The following WHR1 variants were observed in gnomAD, a reference collection of about 807,000 sequenced individuals.
WHR1 encodes winged helix repair factor 1.
At chr6:31,976,339 C>T in the WHR1 span, among the ~76,000 whole-genome samples, 18 of 151,412 alleles carry the variant, frequency 1.2e-4, no homozygotes, top group African/African-American at 3.4e-4. Context: ...GGGCGGCTGC[C>T]GGGCGGAGGG....
At chr6:31,975,526 G>C in the WHR1 span, among the ~76,000 whole-genome samples, 1 of 151,762 alleles carries the variant, frequency 6.6e-6, no homozygotes, top group South Asian at 2.1e-4. Context: ...ATAGGGATGG[G>C]GTTTCACCCT....
At chr6:31,972,619 A>C in the WHR1 span, 1 of 1,607,660 alleles carries the variant, frequency 6.2e-7, no homozygotes, top group Non-Finnish European at 8.5e-7. The surrounding 1 kb of genome is among the most constrained non-coding windows in gnomAD (Gnocchi z 6.3). Context: ...TTATCTGCCC[A>C]GGGTCGGCGC....
the WHR1 span, chr6:31,978,836 C>A: frequency 6.9e-7 from 1 of 1,444,280 alleles, no homozygotes; most frequent in East Asian, 2.4e-5. Context: ...TGCCTGAGAG[C>A]GCCCAGAGTA....
At chr6:31,976,333 G>A in the WHR1 span, among the ~76,000 whole-genome samples, 15 of 151,764 alleles carry the variant, frequency 9.9e-5, no homozygotes, top group East Asian at 2.0e-4. Context: ...CAGACGGGGC[G>A]GCTGCCGGGC....
the WHR1 span, chr6:31,979,589 G>A: frequency 1.2e-6 from 2 of 1,608,874 alleles, no homozygotes; most frequent in Non-Finnish European, 8.5e-7. Context: ...TCAGGCATCT[G>A]GTGCTTCCCT....
chr6:31,972,887 G>T, the WHR1 span: 1 of 1,458,980 alleles, frequency 6.9e-7, no homozygotes. The surrounding 1 kb of genome is among the most constrained non-coding windows in gnomAD (Gnocchi z 6.3). Context: ...CAGGCACTGG[G>T]GTGCCACAGA....
At chr6:31,979,477 C>A in the WHR1 span, 9 of 1,612,974 alleles carry the variant, frequency 5.6e-6, no homozygotes, top group Non-Finnish European at 7.6e-6. Flanking sequence ...AGCTTCAGTA[C>A]TTCCAGCCTG....
At chr6:31,975,201 CTT>C in the WHR1 span, among the ~76,000 whole-genome samples, 39 of 136,838 alleles carry the variant, frequency 2.9e-4, no homozygotes, top group Admixed American at 4.4e-4. Context: ...TTAGTTTTCC[CTT>C]TTTTTTTTTT....
At chr6:31,980,932 T>C in the WHR1 span, 7 of 753,474 alleles carry the variant, frequency 9.3e-6, no homozygotes, top group Non-Finnish European at 1.4e-5. Flanking sequence ...GAGCACCCCT[T>C]CCCAAGTTCT....
At chr6:31,975,808 T>C in the WHR1 span, among the ~76,000 whole-genome samples, 29,149 of 151,746 alleles carry the variant, frequency 0.19, 3,579 homozygotes, top group African/African-American at 0.34. Flanking sequence ...ACCTCCCAGA[T>C]GGGGTGGTGG....
the WHR1 span, chr6:31,971,277 A>G: frequency 6.5e-7 from 1 of 1,539,230 alleles, no homozygotes; most frequent in Non-Finnish European, 8.8e-7. The surrounding 1 kb of genome is among the most constrained non-coding windows in gnomAD (Gnocchi z 4.5). Flanking sequence ...TTTAGAGGGT[A>G]GGTACGGGTC....
chr6:31,979,503 C>T, the WHR1 span: 5 of 1,612,842 alleles, frequency 3.1e-6, no homozygotes, highest in Non-Finnish European at 4.2e-6. Flanking sequence ...ACCTTAGTTT[C>T]CAGCAGGACC....
At chr6:31,971,282 C>A in the WHR1 span, 2 of 1,538,256 alleles carry the variant, frequency 1.3e-6, no homozygotes, top group African/African-American at 1.4e-5. This position sits in a 1 kb window ranked among gnomAD's most constrained non-coding sequence, Gnocchi z 4.5. Flanking sequence ...AGGGTAGGTA[C>A]GGGTCTCCAG....
chr6:31,978,624 C>G, the WHR1 span, among the ~76,000 whole-genome samples: 3 of 152,252 alleles, frequency 2.0e-5, no homozygotes, highest in East Asian at 5.8e-4. Context: ...GAAGCCACAG[C>G]CTGCATCTTA....
At chr6:31,971,405 G>A in the WHR1 span, 3 of 1,601,502 alleles carry the variant, frequency 1.9e-6, no homozygotes, top group Non-Finnish European at 2.6e-6. This position sits in a 1 kb window ranked among gnomAD's most constrained non-coding sequence, Gnocchi z 4.5. Context: ...GGCTGGTATC[G>A]ATCCGGGTAT....
At chr6:31,978,705 G>A in the WHR1 span, among the ~76,000 whole-genome samples, 1 of 152,186 alleles carries the variant, frequency 6.6e-6, no homozygotes, top group East Asian at 1.9e-4. Context: ...TATAAGGCAG[G>A]TGGATGAGAA....
chr6:31,979,784 G>A, the WHR1 span: 3 of 511,686 alleles, frequency 5.9e-6, no homozygotes, highest in South Asian at 8.5e-5. Flanking sequence ...GTTCTTGGTG[G>A]CTTATCAAAA....
At chr6:31,972,060 TC>T in the WHR1 span, 1 of 1,599,874 alleles carries the variant, frequency 6.3e-7, no homozygotes, top group South Asian at 1.1e-5. The surrounding 1 kb of genome is among the most constrained non-coding windows in gnomAD (Gnocchi z 6.3). Context: ...GGCAAACCCC[TC>T]CCGGGGCGGG....
At chr6:31,972,552 A>G in the WHR1 span, 1 of 1,595,724 alleles carries the variant, frequency 6.3e-7, no homozygotes. This position sits in a 1 kb window ranked among gnomAD's most constrained non-coding sequence, Gnocchi z 6.3. Context: ...CGCTTCCGGT[A>G]GCCGAGAGTT....
Sources: allele counts gnomAD v4.1 joint callset (sites outside exome capture counted in the v4.1 genomes callset), GRCh38; gene constraint gnomAD v4.1.1; non-coding constraint Gnocchi (gnomAD v3.1); transcripts MANE v1.5; gene names NCBI Gene and HGNC (gene_info 2026-07-23, HGNC 2026-07-21).